SPAG16: variants seen among roughly 807,000 people sequenced by gnomAD.
The protein encoded by SPAG16 is sperm-associated antigen 16 protein.
SPAG16 carries 86 observed loss-of-function variants against 80.4 expected under a neutral mutation model. The ratio of observed to expected loss-of-function variants is 1.07; its 90% CI spans 0.90 to 1.28. The LOEUF (loss-of-function observed/expected upper bound fraction) is 1.28. Among genes scored for constraint, SPAG16 ranks in the 50% most tolerant of loss-of-function variants. The probability of loss-of-function intolerance (pLI) is 0.00; values close to 1 mark genes in which losing one functional copy is unlikely to be tolerated. For synonymous variants in SPAG16, 294 were observed against 265.9 expected (o/e 1.11, Z -1.03); for missense variants, 870 against 765.3 (o/e 1.14, Z -1.61).
intron 9 of SPAG16, among the ~76,000 whole-genome samples, chr2:213,442,095 C>G (rs1371681329): frequency 6.6e-6 from 1 of 152,186 alleles, no homozygotes; most frequent in Non-Finnish European, 1.5e-5. Context: ...TTGCAGTGAG[C>G]CGAGATCGCC....
At chr2:214,380,457 ATGAG>A (rs1445397694) in intron 15 of SPAG16, among the ~76,000 whole-genome samples, 1 of 152,178 alleles carries the variant, frequency 6.6e-6, no homozygotes, top group East Asian at 1.9e-4. Context: ...ACTGTTAATA[ATGAG>A]TGAGAGTTTT....
chr2:214,363,696 A>G (rs1474703398), intron 15 of SPAG16, among the ~76,000 whole-genome samples: 2 of 152,064 alleles, frequency 1.3e-5, no homozygotes, highest in Non-Finnish European at 2.9e-5. Context: ...GAAAGAGGGC[A>G]TCTTTTAAAG....
chr2:214,017,875 G>A (rs1167740779), intron 13 of SPAG16, among the ~76,000 whole-genome samples: 1 of 151,960 alleles, frequency 6.6e-6, no homozygotes, highest in Non-Finnish European at 1.5e-5. Flanking sequence ...TTACTATTAT[G>A]CATGCTAGCT....
intron 15 of SPAG16, among the ~76,000 whole-genome samples, chr2:214,350,494 T>C (rs1011809341): frequency 6.6e-6 from 1 of 152,230 alleles, no homozygotes; most frequent in Non-Finnish European, 1.5e-5. Flanking sequence ...ATAATATATC[T>C]TTTGATATGT....
intron 11 of SPAG16, among the ~76,000 whole-genome samples, chr2:213,887,459 T>C (rs1575460652): frequency 6.6e-6 from 1 of 151,916 alleles, no homozygotes; most frequent in East Asian, 1.9e-4. Flanking sequence ...AATTAGAGAT[T>C]TCTGAGATGA....
intron 12 of SPAG16, among the ~76,000 whole-genome samples, chr2:213,948,294 C>T (rs969108822): frequency 2.4e-4 from 36 of 152,050 alleles, no homozygotes; most frequent in African/African-American, 6.0e-4. Flanking sequence ...TAAACAGACA[C>T]GCAAATGCAT....
At chr2:214,383,248 TCTAAG>T (rs1700554952) in intron 15 of SPAG16, among the ~76,000 whole-genome samples, 1 of 151,986 alleles carries the variant, frequency 6.6e-6, no homozygotes, top group Non-Finnish European at 1.5e-5. Context: ...CTAAGCATAG[TCTAAG>T]AAATCAAAAG....
intron 3 of SPAG16, among the ~76,000 whole-genome samples, chr2:213,299,882 T>C (rs1254994912): frequency 6.6e-6 from 1 of 152,152 alleles, no homozygotes; most frequent in East Asian, 1.9e-4. Context: ...ATTATATATA[T>C]GTTCGTTAGA....
chr2:213,569,845 G>T (rs946677491), intron 10 of SPAG16, among the ~76,000 whole-genome samples: 1 of 135,116 alleles, frequency 7.4e-6, no homozygotes, highest in Admixed American at 7.1e-5. Context: ...GTAGAATTCG[G>T]CTGTGAATCC....
At position 213,393,660 on chromosome 2, in the gene SPAG16, G is replaced by A. The variant is rs189798974; in HGVS notation, c.942+18541G>A. On this transcript the variant is annotated intron_variant, in intron 9 of 15. Coordinates refer to ENST00000331683, the MANE Select transcript of SPAG16 (RefSeq NM_024532.5). The stretch of plus-strand genomic sequence containing the variant: ...GGACACAAACCTAGGGGTGGAATTG[G>A]GGATGAGGGTTTTATGAAATAGTGT... Among the ~76,000 whole-genome samples the A allele has an allele frequency of 1.1e-3, 164 of 152,092 alleles. 1 individual carries two copies. Among genetic ancestry groups the A allele is most frequent in the Middle Eastern group, 3.4e-3 (1 of 294 alleles).
intron 9 of SPAG16, among the ~76,000 whole-genome samples, chr2:213,435,473 G>A (rs993062693): frequency 4.6e-5 from 7 of 152,092 alleles, no homozygotes; most frequent in African/African-American, 1.2e-4. Context: ...TGAAAGGCCC[G>A]ACTTCACCTT....
rs1383178486 is a variant in SPAG16 at position 213,463,736 on chromosome 2, A to G, written c.943-26227A>G. Among the ~76,000 whole-genome samples, 6 of 152,280 alleles carry G rather than the reference A, an allele frequency of 3.9e-5. No individual in the cohort carries two copies. The South Asian group carries it at 6.2e-4, about 16-fold the overall frequency. ...AGTTTGCTGCAGGGGCGGAGCCCTC[A>G]TGGAGAAACTCTGCTAGGGGAGTGC... On this transcript the variant is annotated intron_variant, in intron 9 of 15. Transcript: ENST00000331683.
At chr2:213,551,173 G>A (rs945525918) in intron 10 of SPAG16, among the ~76,000 whole-genome samples, 1 of 152,044 alleles carries the variant, frequency 6.6e-6, no homozygotes, top group African/African-American at 2.4e-5. Context: ...AGCTTTGGTC[G>A]TTTGAGAGAC....
intron 13 of SPAG16, among the ~76,000 whole-genome samples, chr2:214,064,901 T>C (rs989255380): frequency 1.3e-5 from 2 of 152,106 alleles, no homozygotes; most frequent in Non-Finnish European, 2.9e-5. Context: ...TTTGTTTTAT[T>C]ACTTTGGAAG....
At chr2:214,217,436 C>T (rs1429786446) in intron 15 of SPAG16, among the ~76,000 whole-genome samples, 2 of 152,252 alleles carry the variant, frequency 1.3e-5, no homozygotes, top group Non-Finnish European at 1.5e-5. Flanking sequence ...GTGACCCCCT[C>T]TGACTATGTT....
intron 10 of SPAG16, among the ~76,000 whole-genome samples, chr2:213,819,848 C>T (rs1193226476): frequency 1.3e-5 from 2 of 152,026 alleles, no homozygotes; most frequent in African/African-American, 4.8e-5. Flanking sequence ...CCTCTGCCTC[C>T]CGGGTTCAAA....
At chr2:214,086,460 T>A (rs139101032) in intron 13 of SPAG16, among the ~76,000 whole-genome samples, 121 of 152,222 alleles carry the variant, frequency 7.9e-4, no homozygotes, top group African/African-American at 2.8e-3. Flanking sequence ...GGGAGGGACC[T>A]TATGGAGGTG....
chr2:213,634,619 G>A (rs536868998), intron 10 of SPAG16, among the ~76,000 whole-genome samples: 11 of 151,988 alleles, frequency 7.2e-5, no homozygotes, highest in East Asian at 5.8e-4. Flanking sequence ...TTATTATTTC[G>A]ATAGTTTTAG....
At chr2:214,289,179 C>G (rs970373259) in intron 15 of SPAG16, among the ~76,000 whole-genome samples, 6 of 152,262 alleles carry the variant, frequency 3.9e-5, no homozygotes, top group Non-Finnish European at 8.8e-5. Context: ...AATATTTTCT[C>G]CCATTCAACA....
Sources: allele counts gnomAD v4.1 joint callset (sites outside exome capture counted in the v4.1 genomes callset), GRCh38; gene constraint gnomAD v4.1.1; transcripts MANE v1.5; gene names NCBI Gene and HGNC (gene_info 2026-07-23, HGNC 2026-07-21).